TET2: variants seen among roughly 807,000 people sequenced by gnomAD.
TET2 encodes tet methylcytosine dioxygenase 2.
In TET2, 299 loss-of-function variants were observed where a neutral mutation model predicts 142.9. That is an observed-to-expected ratio of 2.09 (90% CI 1.90 to 2.30). TET2 has a LOEUF of 2.30. TET2 is among the 30% of genes most tolerant of loss of function. The pLI is 0.00. For synonymous variants in TET2, 819 were observed against 849.0 expected (o/e 0.96, Z 0.61); for missense variants, 2,418 against 2,378.0 (o/e 1.02, Z -0.35).
At chr4:105,245,532 G>A (rs558773003) in intron 6 of TET2, among the ~76,000 whole-genome samples, 3 of 152,028 alleles carry the variant, frequency 2.0e-5, no homozygotes, top group Non-Finnish European at 4.4e-5. Context: ...GTTTCTCCAT[G>A]TTGATCAGGC....
At chr4:105,243,424 A>T in intron 5 of TET2, 146 bp from the exon 6 acceptor site, 1 of 751,710 alleles carries the variant, frequency 1.3e-6, no homozygotes, top group Non-Finnish European at 2.2e-6. Context: ...CAAAAGGCAC[A>T]TTGGACATGC....
chr4:105,202,013 AATT>A (rs1726509522), intron 2 of TET2, among the ~76,000 whole-genome samples: 2 of 151,832 alleles, frequency 1.3e-5, no homozygotes, highest in South Asian at 4.2e-4. Context: ...AAAGTGCTGG[AATT>A]ATGGGAATGA....
At chr4:105,183,240 T>A (rs1003992558) in intron 1 of TET2, among the ~76,000 whole-genome samples, 1 of 152,104 alleles carries the variant, frequency 6.6e-6, no homozygotes, top group African/African-American at 2.4e-5. Flanking sequence ...AATATTAAAT[T>A]ACTAAATATA....
intron 6 of TET2, among the ~76,000 whole-genome samples, chr4:105,247,697 C>CTGGTTCTTT (rs1729646892): frequency 6.9e-6 from 1 of 145,468 alleles, no homozygotes; most frequent in Non-Finnish European, 1.5e-5. Context: ...GGTAGTTTGA[C>CTGGTTCTTT]TGGTTCTTTT....
At chr4:105,256,566 G>A (rs113943159) in intron 6 of TET2, among the ~76,000 whole-genome samples, 1 of 152,056 alleles carries the variant, frequency 6.6e-6, no homozygotes, top group Non-Finnish European at 1.5e-5. Flanking sequence ...ATGTTTATAT[G>A]TATGCATATC....
chr4:105,277,349 A>G lies in TET2; in HGVS notation c.*830A>G, dbSNP rs1731272154. On this transcript the variant is annotated 3_prime_UTR_variant, in exon 11 of 11. Transcript: ENST00000380013. ...TAGGACAATAAACGTATATATGTACATATATACACAAACATGTATATGTGC... is the reference window on the plus strand; with the variant it reads ...TAGGACAATAAACGTATATATGTACGTATATACACAAACATGTATATGTGC... The G allele has an allele frequency of 4.5e-6, 1 of 224,594 alleles. No individual in the cohort carries two copies. Among genetic ancestry groups the G allele is most frequent in the Non-Finnish European group, 8.9e-6 (1 of 112,798 alleles). The allele number at this position is 224,594 out of a possible 1,614,324, so 13.9% of individuals were successfully genotyped here.
rs1412331007 is a variant in TET2, at chr4:105,236,907, C to T, written c.2965C>T (p.Pro989Ser). Residue 989 changes from proline to serine, a missense_variant, in exon 3 of 11, where the codon CCA becomes TCA. By Grantham distance (74) the Pro-to-Ser change is moderately conservative (BLOSUM62 -1). Coordinates refer to ENST00000380013, the MANE Select transcript of TET2 (RefSeq NM_001127208.3). Reference sequence around the variant, plus strand: ...AATTAAGGTGGAACCTGGATGCAAGCCACATGCCTGTATGCACACAGCACC... The same window carrying T: ...AATTAAGGTGGAACCTGGATGCAAGTCACATGCCTGTATGCACACAGCACC... The part of the protein sequence containing the change: ...RPIKVEPGCK[P>S]HACMHTAPPE... 1.2e-6 allele frequency: 2 copies of T among 1,614,080 alleles called. No homozygotes were observed. The highest frequency in any genetic ancestry group is 2.2e-5 in the South Asian group (2 of 91,070).
chr4:105,226,639 C>T (rs1015049148), intron 2 of TET2, among the ~76,000 whole-genome samples: 6 of 151,686 alleles, frequency 4.0e-5, no homozygotes, highest in African/African-American at 1.5e-4. Context: ...CCTTCCCTCC[C>T]TCTTCCTCCC....
intron 1 of TET2, among the ~76,000 whole-genome samples, chr4:105,188,387 G>A (rs1297930652): frequency 6.6e-6 from 1 of 152,128 alleles, no homozygotes; most frequent in African/African-American, 2.4e-5. Context: ...GGAAGTTATT[G>A]TTTAATGAGT....
At chr4:105,174,589 C>T (rs1001959547) in intron 1 of TET2, among the ~76,000 whole-genome samples, 1 of 152,074 alleles carries the variant, frequency 6.6e-6, no homozygotes, top group Non-Finnish European at 1.5e-5. Flanking sequence ...TTGTGGGAAC[C>T]GGTGCCAGGT....
In TET2 at chr4:105,236,088, T is replaced by A. The variant is rs1728871008; in HGVS notation, c.2146T>A (p.Ser716Thr). The change falls in exon 3 of 11, where the codon TCA becomes ACA. Residue 716 changes from serine to threonine, a missense_variant. Transcript: ENST00000380013. ...QASETEPFSNSHLLQHKPHKQ... is the reference protein window; with the variant it reads ...QASETEPFSNTHLLQHKPHKQ... Reference sequence around the variant, plus strand: ...TTCAGAGACTGAGCCATTTTCAAACTCACACCTTTTGCAACATAAGCCTCA... The same window carrying A: ...TTCAGAGACTGAGCCATTTTCAAACACACACCTTTTGCAACATAAGCCTCA... 6.2e-7 allele frequency: 1 copy of A among 1,614,108 alleles called. No homozygotes were observed. Among genetic ancestry groups the A allele is most frequent in the Non-Finnish European group, 8.5e-7 (1 of 1,180,012 alleles).
chr4:105,246,856 A>G (rs528240286), intron 6 of TET2, among the ~76,000 whole-genome samples: 3 of 152,230 alleles, frequency 2.0e-5, no homozygotes, highest in Non-Finnish European at 4.4e-5. Flanking sequence ...TGCATCTTTC[A>G]GTAGGAAAGT....
chr4:105,261,769 T>A lies in TET2; in HGVS notation c.3965T>A (p.Leu1322Gln), dbSNP rs551797762. The change falls in exon 8 of 11, where the codon CTG (leucine) becomes CAG (glutamine). Residue 1322 changes from leucine (L) to glutamine (Q), a missense_variant. By Grantham distance (113) the Leu-to-Gln change is moderately radical. Coordinates refer to ENST00000380013, the MANE Select transcript of TET2 (RefSeq NM_001127208.3). Reference protein sequence around the residue: ...LGDDPKEEEKLESHLQNLSTL... With the variant: ...LGDDPKEEEKQESHLQNLSTL... ...ATTCACTTTATACAGGAAGAGAAAC[T>A]GGAGTCTCATTTGCAAAACCTGTCC... 5 of 1,545,056 alleles carry A rather than the reference T, an allele frequency of 3.2e-6. No homozygotes were observed. The highest frequency in any genetic ancestry group is 1.2e-5 in the South Asian group (1 of 83,508).
At chr4:105,240,217 A>G in intron 3 of TET2, 1 of 367,656 alleles carries the variant, frequency 2.7e-6, no homozygotes, top group Non-Finnish European at 4.3e-6. Flanking sequence ...AATGACACTG[A>G]TAGACATACT....
rs1205599634 is a variant in TET2 at position 105,235,365 on chromosome 4, A to G, written c.1423A>G (p.Met475Val). The G allele has an allele frequency of 6.2e-7, 1 of 1,614,170 alleles. No homozygotes were observed. Among genetic ancestry groups the G allele is most frequent in the Admixed American group, 1.7e-5 (1 of 60,022 alleles). The change falls in exon 3 of 11, where the codon ATG (methionine) becomes GTG (valine). Residue 475 changes from methionine to valine, a missense_variant. By Grantham distance (21) the Met-to-Val change is conservative. Transcript: ENST00000380013. ...PSTHVCSPSP[M>V]LSERPQNNCV... ...TACACATGTATGCAGCCCTTCTCCG[A>G]TGCTTTCTGAAAGGCCTCAGAATAA...
At position 105,249,248 on chromosome 4, in the gene TET2, A is replaced by T. The variant is rs144457241; in HGVS notation, c.3803+5470A>T. On this transcript the variant is annotated intron_variant, in intron 6 of 10. Transcript: ENST00000380013. ...CACCATGTTGGCTAGGCTGGTCTCA[A>T]ACTCAGCCTCAAGTGATCCTTCTAC... 2.0e-3 allele frequency among the ~76,000 whole-genome samples: 311 copies of T among 152,274 alleles called. 1 individual carries two copies. The highest frequency in any genetic ancestry group is 7.3e-3 in the African/African-American group (302 of 41,552).
chr4:105,180,052 C>T (rs1433846115), intron 1 of TET2, among the ~76,000 whole-genome samples: 3 of 152,100 alleles, frequency 2.0e-5, no homozygotes, highest in African/African-American at 7.2e-5. Flanking sequence ...AGTAGTTATG[C>T]CTTTCTGGTC....
intron 2 of TET2, among the ~76,000 whole-genome samples, chr4:105,213,011 T>C (rs995833494): frequency 1.3e-5 from 2 of 151,974 alleles, no homozygotes; most frequent in African/African-American, 4.8e-5. Context: ...AAAAATTAAT[T>C]TTCCCCATTC....
chr4:105,240,886 C>T (rs1729258624), intron 3 of TET2: 2 of 1,079,822 alleles, frequency 1.9e-6, no homozygotes, highest in African/African-American at 1.6e-5. Flanking sequence ...GTATCCTTGA[C>T]AATAAACCAA....
Sources: allele counts gnomAD v4.1 joint callset (sites outside exome capture counted in the v4.1 genomes callset), GRCh38; gene constraint gnomAD v4.1.1; transcripts MANE v1.5; gene names NCBI Gene and HGNC (gene_info 2026-07-23, HGNC 2026-07-21).